LRRC7: variants seen among roughly 807,000 people sequenced by gnomAD.
LRRC7 encodes leucine-rich repeat-containing protein 7.
LRRC7 carries 23 observed loss-of-function variants against 175.7 expected under a neutral mutation model. The observed-to-expected ratio is 0.13, with a 90% CI of 0.09 to 0.19. The LOEUF (loss-of-function observed/expected upper bound fraction) is 0.19. LRRC7 is among the 10% of genes least tolerant of loss of function. The probability of loss-of-function intolerance (pLI) is 1.00; values close to 1 mark genes in which losing one functional copy is unlikely to be tolerated. For missense variants in LRRC7, 1,354 were observed against 1,904.7 expected (o/e 0.71, Z 5.38); for synonymous variants, 685 against 680.9 (o/e 1.01, Z -0.09).
At chr1:70,105,998 A>G (rs1665119122) in intron 25 of LRRC7, among the ~76,000 whole-genome samples, 1 of 152,198 alleles carries the variant, frequency 6.6e-6, no homozygotes, top group African/African-American at 2.4e-5. Context: ...TTACACATAC[A>G]CACACATATA....
At chr1:69,712,573 C>T (rs150371291) in intron 2 of LRRC7, among the ~76,000 whole-genome samples, 3 of 152,160 alleles carry the variant, frequency 2.0e-5, no homozygotes, top group Non-Finnish European at 2.9e-5. Flanking sequence ...CCATTGCACT[C>T]CAGCCTGGGC....
chr1:70,013,186 G>A (rs758387947), intron 13 of LRRC7, 97 bp downstream of exon 13: 3 of 607,846 alleles, frequency 4.9e-6, no homozygotes, highest in South Asian at 2.8e-5. Context: ...TCTGCGTTTC[G>A]ACATATACGG....
intron 8 of LRRC7, among the ~76,000 whole-genome samples, chr1:69,972,552 T>C (rs898138360): frequency 2.6e-5 from 4 of 151,936 alleles, no homozygotes; most frequent in Non-Finnish European, 5.9e-5. Flanking sequence ...GAAATGCAAA[T>C]CAAAACCAGA....
At chr1:70,079,182 A>T (rs1218705611) in intron 24 of LRRC7, among the ~76,000 whole-genome samples, 1 of 152,240 alleles carries the variant, frequency 6.6e-6, no homozygotes, top group Non-Finnish European at 1.5e-5. Flanking sequence ...CATTTAAAAC[A>T]TGTAAAGACT....
At chr1:69,804,832 G>A (rs1423992281) in intron 4 of LRRC7, among the ~76,000 whole-genome samples, 1 of 151,614 alleles carries the variant, frequency 6.6e-6, no homozygotes, top group Non-Finnish European at 1.5e-5. Context: ...GCATGTTTGT[G>A]GAGACAATAC....
chr1:69,931,460 T>G (rs748351340), intron 7 of LRRC7, 47 bp from the exon 8 acceptor site: 1 of 1,457,860 alleles, frequency 6.9e-7, no homozygotes, highest in Non-Finnish European at 9.6e-7. Context: ...TTTAGAGCAA[T>G]GTATCATGCA....
intron 7 of LRRC7, among the ~76,000 whole-genome samples, chr1:69,886,281 C>T (rs1687186483): frequency 6.6e-6 from 1 of 151,862 alleles, no homozygotes; most frequent in South Asian, 2.1e-4. Flanking sequence ...TCAGGACTTG[C>T]TTTACGAATC....
At chr1:69,786,716 C>G (rs1326850663) in intron 3 of LRRC7, among the ~76,000 whole-genome samples, 1 of 152,118 alleles carries the variant, frequency 6.6e-6, no homozygotes, top group Non-Finnish European at 1.5e-5. Flanking sequence ...ATCACAAAAA[C>G]AACACAGGAA....
At chr1:70,094,398 T>A (rs895531990) in intron 25 of LRRC7, among the ~76,000 whole-genome samples, 1 of 152,134 alleles carries the variant, frequency 6.6e-6, no homozygotes, top group African/African-American at 2.4e-5. Context: ...ATGGTTTTTT[T>A]AAAATGCCTT....
intron 3 of LRRC7, among the ~76,000 whole-genome samples, chr1:69,770,196 T>C (rs1358434690): frequency 6.6e-6 from 1 of 152,180 alleles, no homozygotes; most frequent in African/African-American, 2.4e-5. Flanking sequence ...AGATCAAGGT[T>C]CTAATGCAAC....
chr1:69,793,317 A>C lies in LRRC7; in HGVS notation c.421+1157A>C, dbSNP rs1310218759. 3.3e-5 allele frequency among the ~76,000 whole-genome samples: 5 copies of C among 152,266 alleles called. No individual in the cohort carries two copies. In the East Asian group the frequency reaches 9.6e-4, roughly 29 times the overall value. On this transcript the variant is annotated intron_variant, in intron 4 of 26. Coordinates refer to ENST00000651989, the MANE Select transcript of LRRC7 (RefSeq NM_001370785.2). The stretch of plus-strand genomic sequence containing the variant: ...AGAAGTGATAACCAGATAGGACCAA[A>C]AGAAGCTAGATAAGATTGGCTTGAC...
intron 7 of LRRC7, among the ~76,000 whole-genome samples, chr1:69,880,991 A>T (rs17131072): frequency 6.6e-6 from 1 of 152,156 alleles, no homozygotes; most frequent in African/African-American, 2.4e-5. Flanking sequence ...TTTGACTAAG[A>T]TCCAGTCCAA....
At chr1:69,958,859 T>C (rs1165944092) in intron 8 of LRRC7, among the ~76,000 whole-genome samples, 1 of 152,088 alleles carries the variant, frequency 6.6e-6, no homozygotes, top group African/African-American at 2.4e-5. Flanking sequence ...AATACAGCAG[T>C]CTTAACCAAT....
At chr1:69,673,245 G>T (rs227102) in intron 1 of LRRC7, among the ~76,000 whole-genome samples, 19,431 of 152,200 alleles carry the variant, frequency 0.13, 1,574 homozygotes, top group South Asian at 0.18. Context: ...CTCCTTGGGT[G>T]ATTTTGAGAC....
At position 69,675,035 on chromosome 1, in the gene LRRC7, T is replaced by A. The variant is rs934516915; in HGVS notation, c.3-3346T>A. Among the ~76,000 whole-genome samples, 6 of 152,170 alleles carry A rather than the reference T, an allele frequency of 3.9e-5. 1 individual carries two copies. Among genetic ancestry groups the A allele is most frequent in the African/African-American group, 1.4e-4 (6 of 41,442 alleles). On this transcript the variant is annotated intron_variant, in intron 1 of 26. Transcript: ENST00000651989. ...CTGTTGTGTATGTAAGCACATTAAG[T>A]AAGGCACAAAGTATGTGAGTAACTT...
At chr1:69,801,790 G>T (rs1676529755) in intron 4 of LRRC7, among the ~76,000 whole-genome samples, 1 of 146,844 alleles carries the variant, frequency 6.8e-6, no homozygotes, top group African/African-American at 2.5e-5. Context: ...TAGTTTCTTG[G>T]GATGAGACTG....
At chr1:69,750,852 C>T (rs1273981547) in intron 2 of LRRC7, among the ~76,000 whole-genome samples, 2 of 152,170 alleles carry the variant, frequency 1.3e-5, no homozygotes, top group African/African-American at 4.8e-5. Context: ...TCTCAGAAGG[C>T]CCCACCTCTT....
chr1:69,784,270 A>G (rs1402234512), intron 3 of LRRC7, among the ~76,000 whole-genome samples: 1 of 152,170 alleles, frequency 6.6e-6, no homozygotes, highest in African/African-American at 2.4e-5. Flanking sequence ...AAATTCAAGA[A>G]ATTGGTTGCC....
At chr1:69,657,028 A>G (rs541907465) in intron 1 of LRRC7, among the ~76,000 whole-genome samples, 1 of 152,012 alleles carries the variant, frequency 6.6e-6, no homozygotes, top group South Asian at 2.1e-4. Flanking sequence ...TAAATATTTA[A>G]TGAGAAGCAA....
Sources: allele counts gnomAD v4.1 joint callset (sites outside exome capture counted in the v4.1 genomes callset), GRCh38; gene constraint gnomAD v4.1.1; transcripts MANE v1.5; gene names NCBI Gene and HGNC (gene_info 2026-07-23, HGNC 2026-07-21).